The following CPS1 variants were observed in gnomAD, a reference collection of about 807,000 sequenced individuals.
The protein encoded by CPS1 is carbamoyl-phosphate synthase [ammonia], mitochondrial.
CPS1 carries 109 observed loss-of-function variants against 174.6 expected under a neutral mutation model. That is an observed-to-expected ratio of 0.62 (90% CI 0.53 to 0.73). The LOEUF (loss-of-function observed/expected upper bound fraction) is 0.73, where lower values mean the gene tolerates loss of function less well. CPS1 is among the 30% of genes least tolerant of loss of function. The pLI is 0.00. For missense variants in CPS1, 1,689 were observed against 1,821.9 expected (o/e 0.93, Z 1.33); for synonymous variants, 637 against 632.0 (o/e 1.01, Z -0.12).
At chr2:210,505,181 C>T (rs533008769) in intron 1 of CPS1, among the ~76,000 whole-genome samples, 1 of 151,600 alleles carries the variant, frequency 6.6e-6, no homozygotes, top group Non-Finnish European at 1.5e-5. Context: ...AAAGAAAGCA[C>T]CTAGAAGGAA....
At chr2:210,496,870 G>T (rs185729730) in intron 1 of CPS1, among the ~76,000 whole-genome samples, 1 of 151,922 alleles carries the variant, frequency 6.6e-6, no homozygotes, top group Admixed American at 6.6e-5. Context: ...CTTTTTCTTC[G>T]CTACTTTATT....
chr2:210,596,978 A>T (rs1698504359), intron 13 of CPS1, among the ~76,000 whole-genome samples: 1 of 151,862 alleles, frequency 6.6e-6, no homozygotes, highest in South Asian at 2.1e-4. Context: ...AATTAGAAAA[A>T]TCAGAATGAT....
upstream of CPS1, among the ~76,000 whole-genome samples, chr2:210,554,364 C>T (rs1167559056): frequency 2.0e-5 from 3 of 151,502 alleles, no homozygotes; most frequent in African/African-American, 4.8e-5. Flanking sequence ...CTCATGCCCA[C>T]ATTTCTCTCT....
At chr2:210,525,032 T>C (rs1342446926) in intron 1 of CPS1, among the ~76,000 whole-genome samples, 2 of 151,952 alleles carry the variant, frequency 1.3e-5, no homozygotes, top group Non-Finnish European at 2.9e-5. Flanking sequence ...CTAATTTTTA[T>C]TGGAAGGGGA....
rs1425343990 is a variant in CPS1, at chr2:210,573,541, G to A, written c.236+134G>A. The A allele has an allele frequency of 1.5e-5, 11 of 731,702 alleles. No homozygotes were observed. The East Asian group carries it at 2.4e-4, about 16-fold the overall frequency. The allele number at this position is 731,702 out of a possible 1,614,324, so 45.3% of individuals were successfully genotyped here. A position where few individuals can be genotyped will look rare whatever the true frequency, so the allele number is the denominator to read the frequency against. On this transcript the variant is annotated intron_variant, in intron 2 of 37. Coordinates refer to ENST00000233072, the MANE Select transcript of CPS1 (RefSeq NM_001875.5). ...TTGTCCTGAAGTTGCACCATGCCTT[G>A]TGCATAGCCTACTGCTGCCGTCCTT... is the stretch of plus-strand genomic sequence containing the variant.
rs772369788 is a variant in CPS1 at position 210,600,572 on chromosome 2, A to G, written c.1567A>G (p.Arg523Gly). The G allele has an allele frequency of 6.2e-7, 1 of 1,612,160 alleles. No individual in the cohort carries two copies. The highest frequency in any genetic ancestry group is 1.1e-5 in the South Asian group (1 of 91,030). ...ALNCGVELFKRGVLKEYGVKV... is the reference protein window; with the variant it reads ...ALNCGVELFKGGVLKEYGVKV... ...TTCTTTAGGAGTGGAACTATTCAAGAGAGGTGTGCTCAAGGAATATGGTGT... is the reference window on the plus strand; with the variant it reads ...TTCTTTAGGAGTGGAACTATTCAAGGGAGGTGTGCTCAAGGAATATGGTGT... The change falls in exon 15 of 38, where the codon AGA (arginine) becomes GGA (glycine). Residue 523 changes from arginine (R) to glycine (G), a missense_variant. Arg to Gly is a moderately radical substitution (Grantham distance 125, BLOSUM62 -2). Transcript: ENST00000233072.
chr2:210,627,795 G>A (rs1023213128), intron 21 of CPS1, among the ~76,000 whole-genome samples: 27 of 152,116 alleles, frequency 1.8e-4, no homozygotes, highest in African/African-American at 6.5e-4. Context: ...GCCAAATGTA[G>A]GTGACTTGCT....
In CPS1 at chr2:210,590,234, G is replaced by C. The variant is rs753751183; in HGVS notation, c.840G>C (p.Lys280Asn). Residue 280 changes from lysine to asparagine, a missense_variant and splice_region_variant, in exon 8 of 38, where the codon AAG (lysine) becomes AAC (asparagine). Transcript: ENST00000233072. ...LAEPLIQNVR[K>N]ILESDRKEPL... ...AACCACTAATTCAGAATGTCAGAAA[G>C]GTGCAATGAACCTTGAATTCATGTG... is the stretch of plus-strand genomic sequence containing the variant. 1 of 1,612,590 alleles carries C rather than the reference G, an allele frequency of 6.2e-7. No individual in the cohort carries two copies. The highest frequency in any genetic ancestry group is 2.2e-5 in the East Asian group (1 of 44,818).
rs567310314 is a variant in CPS1 at position 210,550,772 on chromosome 2, A to C, written c.4-5947A>C. ...TTGTGGTTATATCTTCCAATGTTTTAGTTTCTATTGAGGGGTCTTTCTTAT... is the reference window on the plus strand; with the variant it reads ...TTGTGGTTATATCTTCCAATGTTTTCGTTTCTATTGAGGGGTCTTTCTTAT... On this transcript the variant is annotated intron_variant, in intron 1 of 38. Coordinates refer to the CPS1 transcript ENST00000430249. Among the ~76,000 whole-genome samples the C allele has an allele frequency of 1.1e-4, 16 of 151,944 alleles. No homozygotes were observed. The East Asian group carries it at 2.1e-3, about 20-fold the overall frequency.
intron 1 of CPS1, among the ~76,000 whole-genome samples, chr2:210,504,826 G>T (rs1373026752): frequency 6.6e-6 from 1 of 152,106 alleles, no homozygotes; most frequent in Non-Finnish European, 1.5e-5. Flanking sequence ...TTAAAAGGCG[G>T]GAAACTTCCT....
At chr2:210,674,787 TA>T in intron 34 of CPS1, 114 bp from the exon 35 acceptor site, 3 of 882,308 alleles carry the variant, frequency 3.4e-6, no homozygotes, top group Non-Finnish European at 5.7e-6. Context: ...TTTTTTAATA[TA>T]AAGCATCCGG....
At position 210,675,211 on chromosome 2, in the gene CPS1, A is replaced by G. The variant is rs556869889; in HGVS notation, c.4161+250A>G. Among the ~76,000 whole-genome samples the G allele has an allele frequency of 5.7e-4, 87 of 152,384 alleles. No individual in the cohort carries two copies. In the South Asian group the frequency reaches 0.017, roughly 30 times the overall value. ...AGAAAGTTTAGCTTAAGCACAATTGAGACAAAGTCCCAACACATTTCCATA... is the reference window on the plus strand; with the variant it reads ...AGAAAGTTTAGCTTAAGCACAATTGGGACAAAGTCCCAACACATTTCCATA... On this transcript the variant is annotated intron_variant, in intron 35 of 37. Coordinates refer to ENST00000233072, the MANE Select transcript of CPS1 (RefSeq NM_001875.5).
intron 34 of CPS1, among the ~76,000 whole-genome samples, chr2:210,669,813 T>C (rs1701235828): frequency 6.6e-6 from 1 of 152,172 alleles, no homozygotes; most frequent in Admixed American, 6.6e-5. Flanking sequence ...TAAAGTTTAA[T>C]GTGAGACTTG....
intron 1 of CPS1, among the ~76,000 whole-genome samples, chr2:210,485,353 T>C (rs1480939920): frequency 6.6e-6 from 1 of 152,110 alleles, no homozygotes; most frequent in African/African-American, 2.4e-5. Context: ...CCATAAATCA[T>C]CACCAAAATT....
chr2:210,665,481 C>T (rs199797461), intron 33 of CPS1, among the ~76,000 whole-genome samples: 4 of 140,980 alleles, frequency 2.8e-5, no homozygotes, highest in Non-Finnish European at 6.2e-5. Flanking sequence ...CCCCCTCCCC[C>T]CACTCCACAA....
At chr2:210,610,531 G>T in intron 19 of CPS1, among the ~76,000 whole-genome samples, 1 of 151,914 alleles carries the variant, frequency 6.6e-6, no homozygotes, top group African/African-American at 2.4e-5. Flanking sequence ...TTAAAAGATA[G>T]TACTTATATA....
rs1206016071 is a variant in CPS1 at position 210,608,463 on chromosome 2, C to T, written c.2295C>T (p.Ser765=). Residue 765 remains serine (S), a synonymous_variant, in exon 19 of 38, where the codon AGC becomes AGT. Coordinates refer to ENST00000233072, the MANE Select transcript of CPS1 (RefSeq NM_001875.5). The part of the protein sequence containing the change: ...SGKTSACFEP[S]LDYMVTKIPR... ...AGACATCAGCCTGTTTTGAACCTAG[C>T]CTGGATTACATGGTCACCAAGATTC... The T allele has an allele frequency of 6.2e-7, 1 of 1,612,474 alleles. No individual in the cohort carries two copies. Among genetic ancestry groups the T allele is most frequent in the Admixed American group, 1.7e-5 (1 of 59,864 alleles).
chr2:210,478,416 T>G (rs1054059491), intron 1 of CPS1, among the ~76,000 whole-genome samples: 4 of 152,236 alleles, frequency 2.6e-5, no homozygotes, highest in Admixed American at 1.3e-4. Flanking sequence ...ACAATTGGGC[T>G]TTACCTGTTC....
chr2:210,598,772 T>G (rs747936355), intron 13 of CPS1, among the ~76,000 whole-genome samples: 3 of 151,820 alleles, frequency 2.0e-5, no homozygotes, highest in Non-Finnish European at 4.4e-5. Flanking sequence ...GTGGGAGGTA[T>G]CAACACTCCA....
Sources: gnomAD v4.1 joint callset for allele counts (sites outside exome capture counted in the v4.1 genomes callset) on GRCh38, gnomAD v4.1.1 for gene constraint, MANE v1.5 for transcripts, NCBI Gene and HGNC (gene_info 2026-07-23, HGNC 2026-07-21) for gene names.